Variants in STK39 observed in about 807,000 individuals in gnomAD.
STK39 encodes serine/threonine kinase 39, also known as STE20/SPS1-related proline-alanine-rich protein kinase.
A neutral mutation model predicts 77.8 loss-of-function variants in STK39; 20 were observed. That is an observed-to-expected ratio of 0.26 (90% CI 0.18 to 0.37). The LOEUF (loss-of-function observed/expected upper bound fraction) is 0.37. Among genes scored for constraint, STK39 ranks in the 10% least tolerant of loss-of-function variants. The pLI, the probability that STK39 is intolerant of heterozygous loss-of-function variation, is 1.00. For synonymous variants in STK39, 246 were observed against 234.1 expected, an observed-to-expected ratio of 1.05 and a Z score of -0.47; for missense variants, 479 against 656.5, an observed-to-expected ratio of 0.73 and a Z score of 2.95.
intron 12 of STK39, among the ~76,000 whole-genome samples, chr2:168,074,721 C>T (rs1279983396): frequency 6.6e-6 from 1 of 152,198 alleles, no homozygotes; most frequent in East Asian, 1.9e-4. Context: ...ATTTTGCCAA[C>T]CCTCATGGCG....
chr2:168,237,282 G>A (rs1424679856), intron 1 of STK39, among the ~76,000 whole-genome samples: 2 of 152,148 alleles, frequency 1.3e-5, no homozygotes, highest in South Asian at 2.1e-4. Flanking sequence ...TGTGATTTTT[G>A]CACATTGATT....
At chr2:168,177,575 G>A (rs1427493848) in intron 2 of STK39, among the ~76,000 whole-genome samples, 1 of 152,104 alleles carries the variant, frequency 6.6e-6, no homozygotes, top group Non-Finnish European at 1.5e-5. Flanking sequence ...ATAGAAGGAA[G>A]GACTGTTATA....
At chr2:167,961,663 G>A (rs767447113) in intron 17 of STK39, among the ~76,000 whole-genome samples, 1 of 152,152 alleles carries the variant, frequency 6.6e-6, no homozygotes, top group Non-Finnish European at 1.5e-5. Context: ...TGTTAAAAGT[G>A]AAGAGAAGAA....
chr2:167,991,926 T>C (rs1683709638), intron 16 of STK39, among the ~76,000 whole-genome samples: 1 of 152,214 alleles, frequency 6.6e-6, no homozygotes, highest in Non-Finnish European at 1.5e-5. Flanking sequence ...CAGGAATCTT[T>C]AAAAAGCTGT....
At chr2:168,137,831 G>A (rs1687877840) in intron 8 of STK39, among the ~76,000 whole-genome samples, 1 of 152,160 alleles carries the variant, frequency 6.6e-6, no homozygotes, top group Non-Finnish European at 1.5e-5. Flanking sequence ...TGATGACAGA[G>A]CCCACACTTA....
chr2:168,031,106 C>T (rs114744687), intron 14 of STK39, among the ~76,000 whole-genome samples: 2,757 of 152,238 alleles, frequency 0.018, 80 homozygotes, highest in African/African-American at 0.062. Flanking sequence ...GACTGAAACT[C>T]CTCTGGCCTG....
intron 10 of STK39, among the ~76,000 whole-genome samples, chr2:168,098,730 A>G (rs2105446543): frequency 6.6e-6 from 1 of 152,274 alleles, no homozygotes; most frequent in Non-Finnish European, 1.5e-5. Flanking sequence ...CCTTTAAGTC[A>G]AAAAGTGACG....
intron 10 of STK39, among the ~76,000 whole-genome samples, chr2:168,127,292 A>C (rs1687567988): frequency 6.6e-6 from 1 of 152,142 alleles, no homozygotes; most frequent in Non-Finnish European, 1.5e-5. Context: ...CTGGGACTAC[A>C]GGTGCCTACC....
chr2:168,116,435 C>A (rs546886914), intron 10 of STK39, among the ~76,000 whole-genome samples: 1 of 152,100 alleles, frequency 6.6e-6, no homozygotes, highest in Admixed American at 6.5e-5. Context: ...CAAAGTGCAA[C>A]CTTAATCGAG....
chr2:168,065,259 G>GT, intron 13 of STK39, 60 bp downstream of exon 13: 3 of 1,580,116 alleles, frequency 1.9e-6, no homozygotes, highest in Non-Finnish European at 2.6e-6. Flanking sequence ...TAAAATGTTG[G>GT]TTTTTTAAAG....
chr2:168,138,293 TA>T (rs1687889758), intron 7 of STK39, 72 bp from the exon 8 acceptor site: 3 of 1,523,948 alleles, frequency 2.0e-6, no homozygotes, highest in Non-Finnish European at 2.6e-6. Context: ...GAATTTTTCA[TA>T]AAAGTGTAAA....
At chr2:168,056,294 A>T (rs959208524) in intron 14 of STK39, among the ~76,000 whole-genome samples, 9 of 151,892 alleles carry the variant, frequency 5.9e-5, no homozygotes, top group African/African-American at 1.7e-4. Context: ...GAAAAGGAAA[A>T]TATTTCCCAG....
At chr2:168,192,413 T>A (rs1217406197) in intron 1 of STK39, among the ~76,000 whole-genome samples, 2 of 152,108 alleles carry the variant, frequency 1.3e-5, no homozygotes, top group African/African-American at 2.4e-5. Context: ...GCCAGGCTTT[T>A]AAAAAAAATT....
At chr2:168,089,055 C>G (rs1193447848) in intron 10 of STK39, among the ~76,000 whole-genome samples, 1 of 152,188 alleles carries the variant, frequency 6.6e-6, no homozygotes, top group Non-Finnish European at 1.5e-5. Flanking sequence ...GCACATTCCT[C>G]CCTCACACCG....
At chr2:167,976,356 A>G (rs1389075316) in intron 16 of STK39, among the ~76,000 whole-genome samples, 1 of 152,198 alleles carries the variant, frequency 6.6e-6, no homozygotes, top group Admixed American at 6.5e-5. Context: ...TTAGCTTTCA[A>G]GCTGCCTTAA....
intron 16 of STK39, among the ~76,000 whole-genome samples, chr2:167,966,670 A>G (rs1692168179): frequency 6.6e-6 from 1 of 152,178 alleles, no homozygotes; most frequent in Admixed American, 6.5e-5. Flanking sequence ...TTGGAGACCT[A>G]AGGGCAAGAT....
intron 8 of STK39, among the ~76,000 whole-genome samples, chr2:168,133,377 C>T (rs1275060581): frequency 3.3e-5 from 5 of 152,166 alleles, no homozygotes; most frequent in South Asian, 4.1e-4. Flanking sequence ...TTAAACAACC[C>T]GCCTTCTTTT....
chr2:168,184,319 GCTAA>G (rs758361452), intron 1 of STK39, among the ~76,000 whole-genome samples: 3 of 152,200 alleles, frequency 2.0e-5, no homozygotes, highest in Admixed American at 6.5e-5. Context: ...TACAACTACA[GCTAA>G]CTAAGGAACG....
chr2:168,090,546 T>A (rs1473926074), intron 10 of STK39, among the ~76,000 whole-genome samples: 1 of 152,162 alleles, frequency 6.6e-6, no homozygotes, highest in Non-Finnish European at 1.5e-5. Context: ...ACTCGAGCAG[T>A]CAACAGAAAA....
Sources: gnomAD v4.1 joint callset for allele counts (sites outside exome capture counted in the v4.1 genomes callset) on GRCh38, gnomAD v4.1.1 for gene constraint, MANE v1.5 for transcripts, NCBI Gene and HGNC (gene_info 2026-07-23, HGNC 2026-07-21) for gene names.